Variants in HHIPL2 observed in about 807,000 individuals in gnomAD.
The protein encoded by HHIPL2 is HHIP-like protein 2.
A neutral mutation model predicts 61.0 loss-of-function variants in HHIPL2; 61 were observed. That is an observed-to-expected ratio of 1.00 (90% CI 0.81 to 1.24). HHIPL2 has a LOEUF of 1.24. HHIPL2 is among the 50% of genes most tolerant of loss of function. The pLI is 0.00. For synonymous variants in HHIPL2, 343 were observed against 357.4 expected, an observed-to-expected ratio of 0.96 and a Z score of 0.45; for missense variants, 885 against 910.2, an observed-to-expected ratio of 0.97 and a Z score of 0.36.
Position 222,546,046 on chromosome 1 carries a change from A to AT in HHIPL2, c.321+1677_321+1678insA, listed in dbSNP as rs1449665748. On this transcript the variant is annotated intron_variant, in intron 1 of 8. Coordinates refer to ENST00000343410, the MANE Select transcript of HHIPL2 (RefSeq NM_024746.4). ...AGTGACAGAGTAAGACTCTGTCTCA[A>AT]AAAATAAATAAATAAATAAATAAAT... Among the ~76,000 whole-genome samples the AT allele has an allele frequency of 7.3e-3, 1,066 of 146,168 alleles. 8 individuals carry two copies. The highest frequency in any genetic ancestry group is 0.012 in the Non-Finnish European group (793 of 67,164).
rs772394115 is a variant in HHIPL2, at chr1:222,542,528, C to CTT, written c.975-375_975-374dup. Among the ~76,000 whole-genome samples the CTT allele has an allele frequency of 1.5e-3, 142 of 97,156 alleles. 6 individuals carry two copies. The highest frequency in any genetic ancestry group is 1.8e-3 in the African/African-American group (43 of 24,048). The allele number at this position is 97,156 out of a possible 152,430, so 63.7% of individuals were successfully genotyped here. A position where few individuals can be genotyped will look rare whatever the true frequency, so the allele number is the denominator to read the frequency against. On this transcript the variant is annotated intron_variant, in intron 2 of 8. Transcript: ENST00000343410. ...GGGATTACCACCCCACCACATCTGG[C>CTT]TTTTTTTTTTTTTTTTTTTTGAGAT...
chr1:222,547,994 G>T lies in HHIPL2; in HGVS notation c.51C>A (p.Ala17=). The change falls in exon 1 of 9, where the codon GCC becomes GCA. Residue 17 remains alanine, a synonymous_variant. Coordinates refer to ENST00000343410, the MANE Select transcript of HHIPL2 (RefSeq NM_024746.4). ...AGAGAATGCCAGAAGAGAGCCAGGG[G>T]GCCCGGCAATGCAGACCACCACACA... ...PNLCGGLHCR[A]PWLSSGILCL... is the part of the protein sequence containing the mutation. The T allele has an allele frequency of 1.2e-6, 2 of 1,606,456 alleles. No homozygotes were observed. Among genetic ancestry groups the T allele is most frequent in the Non-Finnish European group, 8.5e-7 (1 of 1,175,256 alleles).
rs1044188423 is a variant in HHIPL2, at chr1:222,535,819, A to G, written c.1577+2829T>C. Among the ~76,000 whole-genome samples, 58 of 152,168 alleles carry G rather than the reference A, an allele frequency of 3.8e-4. 1 individual carries two copies. The highest frequency in any genetic ancestry group is 1.4e-3 in the African/African-American group (58 of 41,434). ...ACAATATGTTCTGGGACCACAGTAA[A>G]TCTAAAATAGAAATCAATAGCAGAA... On this transcript the variant is annotated intron_variant, in intron 5 of 8. Coordinates refer to ENST00000343410, the MANE Select transcript of HHIPL2 (RefSeq NM_024746.4).
rs1316082354 is a variant in HHIPL2 at position 222,538,754 on chromosome 1, C to T, written c.1471G>A (p.Ala491Thr). 1.2e-6 allele frequency: 2 copies of T among 1,614,128 alleles called. No individual in the cohort carries two copies. The highest frequency in any genetic ancestry group is 3.3e-5 in the Admixed American group (2 of 60,020). Residue 491 changes from alanine (A) to threonine (T), a missense_variant, in exon 5 of 9, where the codon GCT becomes ACT. Physicochemically the swap from Ala to Thr is moderately conservative, Grantham distance 58 (BLOSUM62 0). Coordinates refer to ENST00000343410, the MANE Select transcript of HHIPL2 (RefSeq NM_024746.4). ...ASLDDVLPIY[A>T]YGHAVGKSVT... ...GACTTCCCCACTGCATGGCCATAAG[C>T]ATAGATTGGCAGAACATCATCTGTC... is the stretch of plus-strand genomic sequence containing the variant.
intron 7 of HHIPL2, among the ~76,000 whole-genome samples, chr1:222,525,953 C>A (rs139480219): frequency 6.6e-6 from 1 of 151,902 alleles, no homozygotes. Flanking sequence ...GAGCCGAGAT[C>A]GTGTCACTGC....
Position 222,543,926 on chromosome 1 carries a change from G to A in HHIPL2, c.585C>T (p.Gly195=), listed in dbSNP as rs1458396701. ...LRNDYLNRHL[G]MVAQDPQGCL... is the part of the protein sequence containing the mutation. ...AGCCCTGAGGATCTTGGGCCACCAT[G>A]CCCAGGTGGCGGTTGAGATAGTCGT... is the stretch of plus-strand genomic sequence containing the variant. The change falls in exon 2 of 9, where the codon GGC becomes GGT. Residue 195 remains glycine, a synonymous_variant. Transcript: ENST00000343410. 3.7e-6 allele frequency: 6 copies of A among 1,614,224 alleles called. No individual in the cohort carries two copies. The highest frequency in any genetic ancestry group is 4.2e-6 in the Non-Finnish European group (5 of 1,180,034).
chr1:222,531,298 C>T (rs1430751021), intron 6 of HHIPL2, among the ~76,000 whole-genome samples: 1 of 152,228 alleles, frequency 6.6e-6, no homozygotes, highest in East Asian at 1.9e-4. Flanking sequence ...TAAACACCCG[C>T]TGCCCATTTA....
chr1:222,544,089 T>C lies in HHIPL2; in HGVS notation c.422A>G (p.His141Arg), dbSNP rs756500426. The C allele has an allele frequency of 2.5e-6, 4 of 1,613,878 alleles. No homozygotes were observed. Among genetic ancestry groups the C allele is most frequent in the Non-Finnish European group, 2.5e-6 (3 of 1,180,012 alleles). The change falls in exon 2 of 9, where the codon CAT becomes CGT. Residue 141 changes from histidine to arginine, a missense_variant. His to Arg is a conservative substitution (Grantham distance 29). Transcript: ENST00000343410. ...GGAAATGGCTGAGTGACAGTTAGAATGGAAGGCAGAGCAGTAATCAGAGCA... is the reference window on the plus strand; with the variant it reads ...GGAAATGGCTGAGTGACAGTTAGAACGGAAGGCAGAGCAGTAATCAGAGCA... ...GLCSDYCSAF[H>R]SNCHSAISLL... is the part of the protein sequence containing the mutation.
chr1:222,535,582 C>T (rs1228850846), intron 5 of HHIPL2, among the ~76,000 whole-genome samples: 3 of 152,150 alleles, frequency 2.0e-5, no homozygotes, highest in Non-Finnish European at 2.9e-5. Context: ...GGAGGAGAAT[C>T]GGTTCCCTCA....
chr1:222,522,568 C>A lies in HHIPL2; in HGVS notation c.*33G>T. The A allele has an allele frequency of 6.3e-7, 1 of 1,599,514 alleles. No individual in the cohort carries two copies. The highest frequency in any genetic ancestry group is 1.1e-5 in the South Asian group (1 of 90,600). On this transcript the variant is annotated 3_prime_UTR_variant, in exon 9 of 9. Coordinates refer to ENST00000343410, the MANE Select transcript of HHIPL2 (RefSeq NM_024746.4). ...ATTTGATGAGGTGGCTCTCCTCTCTCACGTCACCCTGTCGGCCACCTTGAC... is the reference window on the plus strand; with the variant it reads ...ATTTGATGAGGTGGCTCTCCTCTCTAACGTCACCCTGTCGGCCACCTTGAC...
At chr1:222,539,163 G>C (rs1035943844) in intron 4 of HHIPL2, 1 of 173,752 alleles carries the variant, frequency 5.8e-6, no homozygotes, top group African/African-American at 2.4e-5. Flanking sequence ...AGACTAAGAA[G>C]AAGTAATAGA....
intron 5 of HHIPL2, among the ~76,000 whole-genome samples, chr1:222,534,168 T>C (rs777051182): frequency 2.7e-4 from 41 of 152,198 alleles, no homozygotes; most frequent in Non-Finnish European, 5.4e-4. Flanking sequence ...TACTTCCAAG[T>C]AACTTAACTA....
Position 222,543,940 on chromosome 1 carries a change from TGA to T in HHIPL2, c.569_570del (p.Leu190GlnfsTer57), listed in dbSNP as rs1659497217. 6.2e-7 allele frequency: 1 copy of T among 1,614,118 alleles called. No homozygotes were observed. Among genetic ancestry groups the T allele is most frequent in the Non-Finnish European group, 8.5e-7 (1 of 1,180,004 alleles). On this transcript the variant is annotated frameshift_variant, in exon 2 of 9. Coordinates refer to ENST00000343410, the MANE Select transcript of HHIPL2 (RefSeq NM_024746.4). LOFTEE classifies it high-confidence loss of function. ...TGGGCCACCATGCCCAGGTGGCGGTTGAGATAGTCGTTCCTCAGGACATTAGG... is the reference window on the plus strand; with the variant it reads ...TGGGCCACCATGCCCAGGTGGCGGTTGATAGTCGTTCCTCAGGACATTAGG... ...CFPNVLRNDY[L>X]NRHLGMVAQD...
chr1:222,526,566 A>G (rs1048665266), intron 7 of HHIPL2, among the ~76,000 whole-genome samples: 5 of 151,882 alleles, frequency 3.3e-5, no homozygotes, highest in African/African-American at 1.2e-4. Context: ...TTAGCTAGCT[A>G]TGGTGGTGCA....
chr1:222,523,929 A>G lies in HHIPL2; in HGVS notation c.1806-235T>C, dbSNP rs1007706521. ...ACAGTGCAGAGAAGGAGTTAGGAGT[A>G]TGGGCATGGTGGCAGTCAAAACGGG... On this transcript the variant is annotated intron_variant, in intron 7 of 8. Coordinates refer to ENST00000343410, the MANE Select transcript of HHIPL2 (RefSeq NM_024746.4). 2.1e-5 allele frequency: 11 copies of G among 521,872 alleles called. No homozygotes were observed. The African/African-American group carries it at 2.1e-4, about 10-fold the overall frequency. 32.3% of individuals were successfully genotyped at this position (521,872 alleles called of 1,614,324 possible).
intron 5 of HHIPL2, among the ~76,000 whole-genome samples, chr1:222,533,732 C>T (rs1211001991): frequency 6.6e-6 from 1 of 152,126 alleles, no homozygotes; most frequent in Non-Finnish European, 1.5e-5. Context: ...AAGGTGAACC[C>T]TATGATTTTT....
At chr1:222,547,188 T>C (rs1320459829) in intron 1 of HHIPL2, among the ~76,000 whole-genome samples, 2 of 152,174 alleles carry the variant, frequency 1.3e-5, no homozygotes, top group Admixed American at 6.5e-5. Flanking sequence ...TGCATCTCTC[T>C]CTTCCAGCTC....
chr1:222,522,972 T>A, intron 8 of HHIPL2, 85 bp from the exon 9 acceptor site: 1 of 1,094,298 alleles, frequency 9.1e-7, no homozygotes, highest in Non-Finnish European at 1.3e-6. Context: ...TATAGTTCTT[T>A]AATATAAATT....
At chr1:222,537,549 T>G (rs1659326999) in intron 5 of HHIPL2, among the ~76,000 whole-genome samples, 1 of 149,970 alleles carries the variant, frequency 6.7e-6, no homozygotes, top group Non-Finnish European at 1.5e-5. Flanking sequence ...GAGAATGGCG[T>G]GAACCCCGGG....
Sources: allele counts gnomAD v4.1 joint callset (sites outside exome capture counted in the v4.1 genomes callset), GRCh38; gene constraint gnomAD v4.1.1; transcripts MANE v1.5; gene names NCBI Gene and HGNC (gene_info 2026-07-23, HGNC 2026-07-21).